The following KCNQ3 variants were observed in gnomAD, a reference collection of about 807,000 sequenced individuals.
KCNQ3 encodes potassium voltage-gated channel subfamily Q member 3.
KCNQ3 carries 30 observed loss-of-function variants against 92.5 expected under a neutral mutation model. The observed-to-expected ratio is 0.32, with a 90% CI of 0.24 to 0.44. The LOEUF is 0.44. KCNQ3 is among the 20% of genes least tolerant of loss of function. KCNQ3 has a pLI of 1.00. For synonymous variants in KCNQ3, 450 were observed against 468.8 expected (o/e 0.96, Z 0.52); for missense variants, 913 against 1,140.3 (o/e 0.80, Z 2.87).
At chr8:132,309,780 G>C (rs187374827) in intron 1 of KCNQ3, among the ~76,000 whole-genome samples, 3 of 152,202 alleles carry the variant, frequency 2.0e-5, no homozygotes, top group Middle Eastern at 3.4e-3. Flanking sequence ...TTACAAACTG[G>C]TCCCCTCTGT....
intron 1 of KCNQ3, among the ~76,000 whole-genome samples, chr8:132,397,082 T>TA (rs1461881309): frequency 1.3e-5 from 2 of 152,008 alleles, no homozygotes; most frequent in African/African-American, 2.4e-5. Context: ...CATTTTTCAT[T>TA]AAAAAACACC....
intron 1 of KCNQ3, among the ~76,000 whole-genome samples, chr8:132,199,741 C>A (rs1196897908): frequency 6.6e-6 from 1 of 152,106 alleles, no homozygotes; most frequent in Non-Finnish European, 1.5e-5. Flanking sequence ...GAAACACTGT[C>A]TCTACTAAAA....
chr8:132,308,400 G>A (rs1348307943), intron 1 of KCNQ3, among the ~76,000 whole-genome samples: 1 of 152,156 alleles, frequency 6.6e-6, no homozygotes, highest in Non-Finnish European at 1.5e-5. Flanking sequence ...GGAGCCCAGA[G>A]AAGAAGATAA....
At chr8:132,170,848 CAA>C (rs796652777) in intron 7 of KCNQ3, among the ~76,000 whole-genome samples, 2,717 of 63,412 alleles carry the variant, frequency 0.043, 90 homozygotes, top group African/African-American at 0.14. Context: ...TTCATCTCTA[CAA>C]AAAAAAAAAA....
intron 1 of KCNQ3, among the ~76,000 whole-genome samples, chr8:132,403,747 G>T (rs989906580): frequency 1.3e-5 from 2 of 152,190 alleles, no homozygotes; most frequent in African/African-American, 4.8e-5. Flanking sequence ...CCTCTGGTTT[G>T]CTCCTGCTGG....
intron 1 of KCNQ3, among the ~76,000 whole-genome samples, chr8:132,427,730 T>G (rs1821146632): frequency 6.6e-6 from 1 of 152,160 alleles, no homozygotes. Flanking sequence ...GCTCCCCAGC[T>G]CTGCCACAGG....
At chr8:132,350,995 C>T (rs1027570160) in intron 1 of KCNQ3, among the ~76,000 whole-genome samples, 1 of 152,078 alleles carries the variant, frequency 6.6e-6, no homozygotes, top group Non-Finnish European at 1.5e-5. Context: ...CTGACCTACT[C>T]GCACCCCACC....
intron 2 of KCNQ3, among the ~76,000 whole-genome samples, chr8:132,184,703 G>A (rs576161687): frequency 2.6e-5 from 4 of 152,174 alleles, no homozygotes; most frequent in Non-Finnish European, 5.9e-5. Context: ...CCCCCAAGAA[G>A]TGCAGTTGGG....
chr8:132,234,602 A>C (rs1021577687), intron 1 of KCNQ3, among the ~76,000 whole-genome samples: 1 of 152,168 alleles, frequency 6.6e-6, no homozygotes, highest in African/African-American at 2.4e-5. Flanking sequence ...TGTGGTAGAC[A>C]CCTATGCATT....
intron 1 of KCNQ3, among the ~76,000 whole-genome samples, chr8:132,466,781 T>C (rs1174794041): frequency 2.0e-5 from 3 of 152,210 alleles, no homozygotes; most frequent in African/African-American, 7.2e-5. Flanking sequence ...TTTTATACTT[T>C]ATATAGCAAG....
At chr8:132,195,176 G>A (rs1109396) in intron 1 of KCNQ3, among the ~76,000 whole-genome samples, 101,235 of 152,116 alleles carry the variant, frequency 0.67, 34,356 homozygotes, top group African/African-American at 0.73. Context: ...CAAATATGCC[G>A]TGTGCTTATT....
Position 132,480,452 on chromosome 8 carries a change from G to A in KCNQ3, c.81C>T (p.Asn27=), listed in dbSNP as rs1271630840. 23 of 1,319,404 alleles carry A rather than the reference G, an allele frequency of 1.7e-5. No homozygotes were observed. The highest frequency in any genetic ancestry group is 2.1e-5 in the Non-Finnish European group (22 of 1,037,278). The allele number at this position is 1,319,404 out of a possible 1,614,324, so 81.7% of individuals were successfully genotyped here. A position where few individuals can be genotyped will look rare whatever the true frequency, so the allele number is the denominator to read the frequency against. The part of the protein sequence containing the change: ...DGGGGGGGAA[N]PAGGDAAAAG... ...CCGCCGCCGCGTCCCCTCCGGCTGG[G>A]TTAGCCGCCCCGCCGCCTCCGCCGC... is the stretch of plus-strand genomic sequence containing the variant. Residue 27 remains asparagine (N), a synonymous_variant, in exon 1 of 15, where the codon AAC becomes AAT. Transcript: ENST00000388996.
intron 1 of KCNQ3, among the ~76,000 whole-genome samples, chr8:132,477,771 A>C (rs1222811028): frequency 6.6e-6 from 1 of 152,176 alleles, no homozygotes; most frequent in East Asian, 1.9e-4. Context: ...AGAGCTAGCA[A>C]GGGGAGGCCA....
chr8:132,142,447 G>A (rs1417023260), intron 9 of KCNQ3, among the ~76,000 whole-genome samples: 4 of 152,104 alleles, frequency 2.6e-5, no homozygotes, highest in Non-Finnish European at 2.9e-5. Flanking sequence ...TCCAGGATTC[G>A]GCATAGAGTG....
chr8:132,121,864 T>C lies in KCNQ3; in HGVS notation c.*7398A>G, dbSNP rs1824480378. 1 of 152,162 alleles carries C rather than the reference T, an allele frequency of 6.6e-6. No individual in the cohort carries two copies. Among genetic ancestry groups the C allele is most frequent in the Non-Finnish European group, 1.5e-5 (1 of 68,032 alleles). The allele number at this position is 152,162 out of a possible 1,614,324, so 9.4% of individuals were successfully genotyped here. On this transcript the variant is annotated 3_prime_UTR_variant, in exon 15 of 15. Transcript: ENST00000388996. ...TGCAGCCACACCAAGCCCCGAGAGC[T>C]AATGGATTCCAATGTGAACCAGGTG...
chr8:132,219,648 A>G (rs1814154316), intron 1 of KCNQ3, among the ~76,000 whole-genome samples: 1 of 151,964 alleles, frequency 6.6e-6, no homozygotes, highest in Non-Finnish European at 1.5e-5. Flanking sequence ...TTTTCACAAA[A>G]CAATCACTTT....
chr8:132,148,919 C>G (rs1207144367), intron 9 of KCNQ3, among the ~76,000 whole-genome samples: 1 of 152,208 alleles, frequency 6.6e-6, no homozygotes, highest in Non-Finnish European at 1.5e-5. Context: ...TGTGAGATTT[C>G]TCAGCCTCTG....
At chr8:132,320,289 C>T (rs1817861719) in intron 1 of KCNQ3, among the ~76,000 whole-genome samples, 1 of 152,092 alleles carries the variant, frequency 6.6e-6, no homozygotes. Context: ...ACTCTCAGAC[C>T]TCAGTTTATC....
intron 1 of KCNQ3, among the ~76,000 whole-genome samples, chr8:132,465,666 C>G (rs1025907735): frequency 3.3e-5 from 5 of 152,170 alleles, no homozygotes; most frequent in African/African-American, 1.2e-4. Context: ...ATCACATGAA[C>G]CCAGGAGGTG....
Sources: gnomAD v4.1 joint callset for allele counts (sites outside exome capture counted in the v4.1 genomes callset) on GRCh38, gnomAD v4.1.1 for gene constraint, MANE v1.5 for transcripts, NCBI Gene and HGNC (gene_info 2026-07-23, HGNC 2026-07-21) for gene names.